Variants in TMTC3 observed in about 807,000 individuals in gnomAD.
TMTC3 encodes the protein protein O-mannosyl-transferase TMTC3.
TMTC3 carries 52 observed loss-of-function variants against 92.2 expected under a neutral mutation model. That is an observed-to-expected ratio of 0.56 (90% CI 0.45 to 0.71). The LOEUF (loss-of-function observed/expected upper bound fraction) is 0.71, where lower values mean the gene tolerates loss of function less well. TMTC3 is among the 30% of genes least tolerant of loss of function. The pLI is 0.00. For missense variants in TMTC3, 896 were observed against 1,057.1 expected, an observed-to-expected ratio of 0.85 and a Z score of 2.11; for synonymous variants, 339 against 363.3, an observed-to-expected ratio of 0.93 and a Z score of 0.76.
chr12:88,149,041 CTT>C (rs1266265508), intron 2 of TMTC3, among the ~76,000 whole-genome samples: 1 of 152,006 alleles, frequency 6.6e-6, no homozygotes, highest in African/African-American at 2.4e-5. Context: ...AATATGGCAA[CTT>C]CAATATAAAT....
chr12:88,160,118 G>T lies in TMTC3; in HGVS notation c.513G>T (p.Trp171Cys). ...TTTTCTGTTCTCAAATTGCAGTATG[G>T]ACTCCAATTGCCTTGACAGTGTTTT... The part of the protein sequence containing the change: ...RSKGPDNSII[W>C]TPIALTVFLV... The change falls in exon 5 of 14, where the codon TGG (tryptophan) becomes TGT (cysteine). Residue 171 changes from tryptophan (W) to cysteine (C), a missense_variant. Coordinates refer to ENST00000266712, the MANE Select transcript of TMTC3 (RefSeq NM_181783.4). The T allele has an allele frequency of 1.9e-6, 3 of 1,561,330 alleles. No homozygotes were observed. Among genetic ancestry groups the T allele is most frequent in the African/African-American group, 1.4e-5 (1 of 72,452 alleles).
chr12:88,162,361 T>C (rs907445977), intron 6 of TMTC3, among the ~76,000 whole-genome samples: 1 of 152,222 alleles, frequency 6.6e-6, no homozygotes, highest in Non-Finnish European at 1.5e-5. Flanking sequence ...GTAAAAATTT[T>C]GGAAAATGTT....
intron 1 of TMTC3, among the ~76,000 whole-genome samples, chr12:88,144,507 C>A (rs114991085): frequency 6.6e-6 from 1 of 152,066 alleles, no homozygotes; most frequent in Non-Finnish European, 1.5e-5. Context: ...CACCCTCTTG[C>A]TCACATTCAT....
intron 7 of TMTC3, among the ~76,000 whole-genome samples, chr12:88,168,143 T>C (rs1178023783): frequency 6.6e-6 from 1 of 152,168 alleles, no homozygotes; most frequent in Non-Finnish European, 1.5e-5. Context: ...AGAAGACATA[T>C]CGAATGAAGA....
chr12:88,172,416 CCTT>C (rs989447971), intron 7 of TMTC3, among the ~76,000 whole-genome samples, 178 bp from the exon 8 acceptor site: 14 of 151,694 alleles, frequency 9.2e-5, no homozygotes, highest in Non-Finnish European at 8.8e-5. Context: ...GTCTAAGTTG[CCTT>C]CTTTATGTTT....
intron 4 of TMTC3, 81 bp downstream of exon 4, chr12:88,154,468 T>C: frequency 1.2e-6 from 1 of 858,900 alleles, no homozygotes; most frequent in Non-Finnish European, 1.8e-6. Context: ...GTGCTTCTTA[T>C]AACACATTAT....
At chr12:88,182,844 A>T (rs538910641) in intron 10 of TMTC3, among the ~76,000 whole-genome samples, 145 of 152,278 alleles carry the variant, frequency 9.5e-4, no homozygotes, top group Middle Eastern at 3.4e-3. Context: ...CATTATTGAT[A>T]GCTGGTATTG....
chr12:88,169,364 G>A (rs1368180786), intron 7 of TMTC3, among the ~76,000 whole-genome samples: 1 of 152,072 alleles, frequency 6.6e-6, no homozygotes, highest in East Asian at 1.9e-4. Flanking sequence ...GGAGAGGTAG[G>A]GGAATTAAGG....
At position 88,190,630 on chromosome 12, in the gene TMTC3, A is replaced by T. The variant is rs1334790875; in HGVS notation, c.1706+8A>T. 3 of 1,612,456 alleles carry T rather than the reference A, an allele frequency of 1.9e-6. No individual in the cohort carries two copies. In the East Asian group the frequency reaches 6.7e-5, roughly 36 times the overall value. The stretch of plus-strand genomic sequence containing the variant: ...GCAGGCTTACATTAGCAGGTATCCC[A>T]GTTCAACTTTAAGCTATCATTATGG... On this transcript the variant is annotated splice_region_variant and intron_variant, in intron 12 of 13. Transcript: ENST00000266712.
chr12:88,149,863 A>G (rs902697622), intron 2 of TMTC3, among the ~76,000 whole-genome samples: 5 of 152,144 alleles, frequency 3.3e-5, no homozygotes, highest in African/African-American at 1.2e-4. Context: ...ATATGGCCCT[A>G]TTATACATTA....
At chr12:88,174,559 T>C in intron 8 of TMTC3, 48 bp from the exon 9 acceptor site, 1 of 1,578,560 alleles carries the variant, frequency 6.3e-7, no homozygotes, top group East Asian at 2.3e-5. Context: ...AAAATGCTTT[T>C]GGTGATGAAG....
intron 7 of TMTC3, among the ~76,000 whole-genome samples, chr12:88,166,992 GT>G (rs36110529): frequency 0.83 from 101,284 of 121,448 alleles, 42,840 homozygotes; most frequent in East Asian, 0.97. Flanking sequence ...TATTTGAACA[GT>G]TTTTTTTTTT....
rs1428928995 is a variant in TMTC3 at position 88,198,091 on chromosome 12, T to G, written c.*2442T>G. 5 of 376,970 alleles carry G rather than the reference T, an allele frequency of 1.3e-5. No individual in the cohort carries two copies. Among genetic ancestry groups the G allele is most frequent in the Non-Finnish European group, 2.4e-5 (5 of 212,622 alleles). 23.4% of individuals were successfully genotyped at this position (376,970 alleles called of 1,614,324 possible). On this transcript the variant is annotated 3_prime_UTR_variant, in exon 14 of 14. Transcript: ENST00000266712. ...AATAACTAGCATTTATTACATGAAA[T>G]TTAAGAGTTTAAGTTCCATCAAACT...
intron 1 of TMTC3, among the ~76,000 whole-genome samples, chr12:88,142,990 T>C (rs943218544): frequency 2.8e-4 from 43 of 152,278 alleles, no homozygotes; most frequent in African/African-American, 1.0e-3. Flanking sequence ...TGCCCTTCCA[T>C]GAAAGCGCCT....
At chr12:88,187,081 T>A (rs2041385937) in intron 10 of TMTC3, among the ~76,000 whole-genome samples, 1 of 151,810 alleles carries the variant, frequency 6.6e-6, no homozygotes, top group Admixed American at 6.6e-5. Flanking sequence ...AAATTCTTAG[T>A]GTATAATTTT....
intron 7 of TMTC3, 114 bp downstream of exon 7, chr12:88,166,696 G>A (rs1263336678): frequency 8.6e-6 from 10 of 1,168,538 alleles, no homozygotes; most frequent in African/African-American, 4.7e-5. Context: ...TTTGTTCAAC[G>A]GCATCCCAAT....
At chr12:88,177,190 G>A (rs1388103447) in intron 10 of TMTC3, among the ~76,000 whole-genome samples, 2 of 152,040 alleles carry the variant, frequency 1.3e-5, no homozygotes, top group Non-Finnish European at 2.9e-5. Flanking sequence ...GCCAGGTATT[G>A]TGGTGGGCGC....
intron 4 of TMTC3, among the ~76,000 whole-genome samples, chr12:88,155,875 C>T (rs1163784414): frequency 6.6e-6 from 1 of 152,116 alleles, no homozygotes; most frequent in Non-Finnish European, 1.5e-5. Flanking sequence ...CTTTGGGAGG[C>T]TGAGGTGGGC....
intron 4 of TMTC3, among the ~76,000 whole-genome samples, chr12:88,155,384 A>C (rs538975921): frequency 6.6e-6 from 1 of 152,344 alleles, no homozygotes; most frequent in African/African-American, 2.4e-5. Flanking sequence ...ATTGCAGACC[A>C]GTATCCTCTT....
Sources: allele counts gnomAD v4.1 joint callset (sites outside exome capture counted in the v4.1 genomes callset), GRCh38; gene constraint gnomAD v4.1.1; transcripts MANE v1.5; gene names NCBI Gene and HGNC (gene_info 2026-07-23, HGNC 2026-07-21).